PPM1H: variants seen among roughly 807,000 people sequenced by gnomAD.
PPM1H encodes protein phosphatase, Mg2+/Mn2+ dependent 1H.
PPM1H carries 27 observed loss-of-function variants against 54.9 expected under a neutral mutation model. That is an observed-to-expected ratio of 0.49 (90% CI 0.36 to 0.68). The LOEUF is 0.68. Among genes scored for constraint, PPM1H ranks in the 30% least tolerant of loss-of-function variants. The pLI, the probability that PPM1H is intolerant of heterozygous loss-of-function variation, is 0.00. For synonymous variants in PPM1H, 305 were observed against 270.8 expected, an observed-to-expected ratio of 1.13 and a Z score of -1.24; for missense variants, 596 against 667.8, an observed-to-expected ratio of 0.89 and a Z score of 1.19.
At chr12:62,845,124 A>G (rs1323919000) in intron 1 of PPM1H, among the ~76,000 whole-genome samples, 1 of 152,268 alleles carries the variant, frequency 6.6e-6, no homozygotes, top group Non-Finnish European at 1.5e-5. Flanking sequence ...CTTTTACAAC[A>G]TCAAAAGACT....
chr12:62,902,293 G>T (rs1309852162), intron 1 of PPM1H, among the ~76,000 whole-genome samples: 1 of 152,008 alleles, frequency 6.6e-6, no homozygotes, highest in Non-Finnish European at 1.5e-5. Flanking sequence ...GGCGGAGGTT[G>T]CAGTGAGCCG....
chr12:62,654,611 G>T (rs1019012876), intron 9 of PPM1H, among the ~76,000 whole-genome samples: 5 of 152,118 alleles, frequency 3.3e-5, no homozygotes, highest in African/African-American at 1.2e-4. Flanking sequence ...ACTTCCCTTC[G>T]TTCCTCCTCT....
At chr12:62,823,017 A>G (rs1459371998) in intron 2 of PPM1H, among the ~76,000 whole-genome samples, 2 of 152,192 alleles carry the variant, frequency 1.3e-5, no homozygotes, top group African/African-American at 4.8e-5. Context: ...TAAAAAAGAA[A>G]AGAGAGAAGA....
chr12:62,816,262 T>C (rs999153122), intron 2 of PPM1H, among the ~76,000 whole-genome samples: 4 of 152,190 alleles, frequency 2.6e-5, no homozygotes, highest in Admixed American at 6.5e-5. Flanking sequence ...CCTCACCAGT[T>C]AAAAAAGGCA....
chr12:62,673,199 G>T (rs141843622), intron 8 of PPM1H, among the ~76,000 whole-genome samples: 1 of 152,278 alleles, frequency 6.6e-6, no homozygotes, highest in East Asian at 1.9e-4. Context: ...TGAGCCAAGT[G>T]CTGACTGCTC....
At chr12:62,751,941 G>C (rs1426842749) in intron 4 of PPM1H, among the ~76,000 whole-genome samples, 1 of 152,192 alleles carries the variant, frequency 6.6e-6, no homozygotes, top group East Asian at 1.9e-4. Context: ...TACCTGTAAG[G>C]CCTCTCTGGC....
intron 1 of PPM1H, chr12:62,840,332 T>A (rs374706317): frequency 1.4e-4 from 22 of 152,290 alleles, no homozygotes; most frequent in African/African-American, 3.8e-4. Flanking sequence ...TCCATCCTCA[T>A]GACCTGAACA....
At chr12:62,755,521 G>T (rs761625321) in intron 4 of PPM1H, 7 of 662,676 alleles carry the variant, frequency 1.1e-5, no homozygotes, top group Non-Finnish European at 1.7e-5. Context: ...GGAATCCACC[G>T]GTGTCTTCAC....
chr12:62,814,730 C>G (rs536455949), intron 2 of PPM1H, among the ~76,000 whole-genome samples: 2 of 152,176 alleles, frequency 1.3e-5, no homozygotes, highest in Non-Finnish European at 2.9e-5. Flanking sequence ...GTAGAAATCC[C>G]ACTTTGAGTG....
At chr12:62,800,905 A>C (rs1013332579) in intron 3 of PPM1H, among the ~76,000 whole-genome samples, 5 of 152,220 alleles carry the variant, frequency 3.3e-5, no homozygotes, top group Admixed American at 3.3e-4. Context: ...TCCCGAGGAC[A>C]TGCTCAGGAG....
chr12:62,840,575 G>A (rs12314904), intron 1 of PPM1H, among the ~76,000 whole-genome samples: 11,280 of 152,208 alleles, frequency 0.074, 667 homozygotes, highest in African/African-American at 0.16. Flanking sequence ...AGAGGCATCT[G>A]AGCTCAGTGT....
At chr12:62,731,538 A>C (rs1176322762) in intron 5 of PPM1H, among the ~76,000 whole-genome samples, 1 of 152,202 alleles carries the variant, frequency 6.6e-6, no homozygotes, top group Non-Finnish European at 1.5e-5. Flanking sequence ...AAGCAGCACC[A>C]GGGAAACAGC....
At chr12:62,775,386 A>G (rs1269245537) in intron 4 of PPM1H, among the ~76,000 whole-genome samples, 4 of 152,180 alleles carry the variant, frequency 2.6e-5, no homozygotes, top group African/African-American at 4.8e-5. Context: ...TCTAGAGTTT[A>G]GTCTGGGCAG....
chr12:62,687,372 A>G (rs1253264009), intron 8 of PPM1H, among the ~76,000 whole-genome samples: 2 of 152,110 alleles, frequency 1.3e-5, no homozygotes, highest in Admixed American at 1.3e-4. Context: ...GGCTCAAGCA[A>G]TCCTCTCACC....
intron 4 of PPM1H, among the ~76,000 whole-genome samples, chr12:62,775,260 G>A (rs749507542): frequency 1.4e-4 from 21 of 152,100 alleles, no homozygotes; most frequent in Non-Finnish European, 2.8e-4. Flanking sequence ...AGGCAAGTCC[G>A]GCAGCCTCTG....
chr12:62,726,124 G>A (rs2076288000), intron 5 of PPM1H, among the ~76,000 whole-genome samples: 1 of 152,140 alleles, frequency 6.6e-6, no homozygotes, highest in Non-Finnish European at 1.5e-5. Context: ...TGTTGCATAT[G>A]TCAAACCCTA....
chr12:62,686,949 G>A (rs994005557), intron 8 of PPM1H, among the ~76,000 whole-genome samples: 2 of 152,190 alleles, frequency 1.3e-5, no homozygotes, highest in South Asian at 2.1e-4. Context: ...TGCCCATAAA[G>A]GGTACTGAAG....
At chr12:62,831,245 C>CA (rs1565802569) in intron 2 of PPM1H, among the ~76,000 whole-genome samples, 2 of 152,286 alleles carry the variant, frequency 1.3e-5, no homozygotes, top group East Asian at 3.9e-4. Context: ...TCAAGATGAT[C>CA]AGAATGAATA....
rs1264694930 is a variant in PPM1H, at chr12:62,844,137, T to TGCAA, written c.246-11862_246-11859dup. Among the ~76,000 whole-genome samples the TGCAA allele has an allele frequency of 6.6e-6, 1 of 152,206 alleles. No homozygotes were observed. The highest frequency in any genetic ancestry group is 1.9e-4 in the East Asian group (1 of 5,202). On this transcript the variant is annotated intron_variant, in intron 1 of 9. Coordinates refer to ENST00000228705, the MANE Select transcript of PPM1H (RefSeq NM_020700.2). The surrounding 1 kb of genome is among the most constrained non-coding windows in gnomAD (Gnocchi z 5.2). ...AAGCATCGAGTTTATTCCAGCGCAG[T>TGCAA]GCAAAGCTTAAGAACAGCCACCTGG... is the stretch of plus-strand genomic sequence containing the variant.
Sources: allele counts gnomAD v4.1 joint callset (sites outside exome capture counted in the v4.1 genomes callset), GRCh38; gene constraint gnomAD v4.1.1; non-coding constraint Gnocchi (gnomAD v3.1); transcripts MANE v1.5; gene names NCBI Gene and HGNC (gene_info 2026-07-23, HGNC 2026-07-21).